TNRC6B: variants seen among roughly 807,000 people sequenced by gnomAD.
The protein encoded by TNRC6B is trinucleotide repeat-containing gene 6B protein.
In TNRC6B, 52 loss-of-function variants were observed where a neutral mutation model predicts 203.6. That is an observed-to-expected ratio of 0.26 (90% CI 0.20 to 0.32). TNRC6B has a LOEUF of 0.32. TNRC6B is among the 10% of genes least tolerant of loss of function. The pLI, the probability that TNRC6B is intolerant of heterozygous loss-of-function variation, is 1.00. For synonymous variants in TNRC6B, 838 were observed against 845.7 expected (o/e 0.99, Z 0.16); for missense variants, 1,923 against 2,286.2 (o/e 0.84, Z 3.24).
rs2071443883 is a variant in TNRC6B, at chr22:40,329,625, A to C, written c.*6384A>C. 6.6e-6 allele frequency: 1 copy of C among 152,112 alleles called. No homozygotes were observed. Among genetic ancestry groups the C allele is most frequent in the African/African-American group, 2.4e-5 (1 of 41,398 alleles). 9.4% of individuals were successfully genotyped at this position (152,112 alleles called of 1,614,324 possible). A position where few individuals can be genotyped will look rare whatever the true frequency, so the allele number is the denominator to read the frequency against. On this transcript the variant is annotated 3_prime_UTR_variant, in exon 23 of 23. Coordinates refer to ENST00000454349, the MANE Select transcript of TNRC6B (RefSeq NM_001162501.2). ...GAGGCCATGAACCTACGAGGTGGTAAAGGGGGACACAGGTCAGGGAGTGGA... is the reference window on the plus strand; with the variant it reads ...GAGGCCATGAACCTACGAGGTGGTACAGGGGGACACAGGTCAGGGAGTGGA...
chr22:40,181,682 C>T (rs959918771), intron 1 of TNRC6B, among the ~76,000 whole-genome samples: 2 of 152,182 alleles, frequency 1.3e-5, no homozygotes, highest in African/African-American at 2.4e-5. Flanking sequence ...TGGTGGCTCA[C>T]GCCTGTGATC....
At chr22:40,143,702 T>C (rs894081013) in intron 3 of TNRC6B, among the ~76,000 whole-genome samples, 3 of 152,150 alleles carry the variant, frequency 2.0e-5, no homozygotes, top group Non-Finnish European at 2.9e-5. Flanking sequence ...TTCACCGTGT[T>C]AGCCAGGATG....
rs768994589 is a variant in TNRC6B at position 40,323,247 on chromosome 22, G to T, written c.*6G>T. ...GAGGGTCGGATTCAATCTGAACTTA[G>T]AACTTTCAACTCTGACCTCGTGACC... On this transcript the variant is annotated 3_prime_UTR_variant, in exon 23 of 23. Transcript: ENST00000454349. 10 of 1,607,380 alleles carry T rather than the reference G, an allele frequency of 6.2e-6. No homozygotes were observed. In the Admixed American group the frequency reaches 1.7e-4, roughly 27 times the overall value.
At chr22:40,077,662 A>G (rs2068029023) in intron 1 of TNRC6B, among the ~76,000 whole-genome samples, 1 of 152,204 alleles carries the variant, frequency 6.6e-6, no homozygotes, top group Admixed American at 6.5e-5. Flanking sequence ...TACACAAGTA[A>G]TAAATATTTA....
At chr22:40,309,856 A>T (rs894031685) in intron 16 of TNRC6B, among the ~76,000 whole-genome samples, 1 of 152,186 alleles carries the variant, frequency 6.6e-6, no homozygotes, top group South Asian at 2.1e-4. Context: ...GTGGCTCCAG[A>T]AAAGTAAATG....
At chr22:40,163,021 A>G (rs554006270) in intron 4 of TNRC6B, among the ~76,000 whole-genome samples, 6 of 152,210 alleles carry the variant, frequency 3.9e-5, no homozygotes, top group Admixed American at 2.0e-4. Context: ...TTCTCTAACA[A>G]AGTCTTTTTT....
chr22:40,264,638 G>C (rs1433778921), intron 4 of TNRC6B, 50 bp from the exon 5 acceptor site: 1 of 1,523,818 alleles, frequency 6.6e-7, no homozygotes, highest in Non-Finnish European at 8.8e-7. Flanking sequence ...GGGATTAATG[G>C]GTAATGAATG....
intron 1 of TNRC6B, among the ~76,000 whole-genome samples, chr22:40,113,085 C>T (rs972205443): frequency 2.0e-5 from 3 of 151,912 alleles, no homozygotes; most frequent in Admixed American, 6.6e-5. Context: ...CCAGCCTGGG[C>T]GACAGAGCAA....
intron 1 of TNRC6B, among the ~76,000 whole-genome samples, chr22:40,046,635 C>G (rs1338364962): frequency 1.5e-5 from 2 of 134,944 alleles, no homozygotes; most frequent in Non-Finnish European, 3.2e-5. Flanking sequence ...TTTTTTGAGA[C>G]AGAGTCTCAA....
chr22:40,213,645 A>G (rs74893831), intron 1 of TNRC6B, among the ~76,000 whole-genome samples: 4,138 of 152,278 alleles, frequency 0.027, 179 homozygotes, highest in African/African-American at 0.094. Context: ...TCACAGTGAT[A>G]ATAATAGCAG....
intron 1 of TNRC6B, among the ~76,000 whole-genome samples, chr22:40,082,770 C>T (rs982602511): frequency 6.6e-6 from 1 of 152,170 alleles, no homozygotes; most frequent in Non-Finnish European, 1.5e-5. Context: ...CTCTGTGGGA[C>T]TTCCCGGTGG....
chr22:40,094,127 G>A (rs943255169), intron 1 of TNRC6B, among the ~76,000 whole-genome samples: 20 of 152,086 alleles, frequency 1.3e-4, no homozygotes, highest in African/African-American at 4.8e-4. Context: ...TTAAAAACAG[G>A]ATGACAGTAG....
In TNRC6B at chr22:40,327,821, T is replaced by A. The variant is rs993905228; in HGVS notation, c.*4580T>A. Reference sequence around the variant, plus strand: ...ATTACATAGATTTATTTTAAAAACATTTTGATTATGTTAATTTGAGCTTTC... The same window carrying A: ...ATTACATAGATTTATTTTAAAAACAATTTGATTATGTTAATTTGAGCTTTC... On this transcript the variant is annotated 3_prime_UTR_variant, in exon 23 of 23. Coordinates refer to ENST00000454349, the MANE Select transcript of TNRC6B (RefSeq NM_001162501.2). 6 of 152,166 alleles carry A rather than the reference T, an allele frequency of 3.9e-5. No homozygotes were observed. Among genetic ancestry groups the A allele is most frequent in the African/African-American group, 1.4e-4 (6 of 41,448 alleles). The allele number at this position is 152,166 out of a possible 1,614,324, so 9.4% of individuals were successfully genotyped here. A position where few individuals can be genotyped will look rare whatever the true frequency, so the allele number is the denominator to read the frequency against.
At chr22:40,113,210 A>C (rs990598807) in intron 1 of TNRC6B, among the ~76,000 whole-genome samples, 1 of 152,242 alleles carries the variant, frequency 6.6e-6, no homozygotes, top group Non-Finnish European at 1.5e-5. Flanking sequence ...ATGGACAGAC[A>C]GTATTTTTAC....
At chr22:40,066,806 A>T (rs1305956706) in intron 1 of TNRC6B, among the ~76,000 whole-genome samples, 1 of 151,716 alleles carries the variant, frequency 6.6e-6, no homozygotes, top group African/African-American at 2.4e-5. Context: ...TCTCCCTCCA[A>T]CTTGATTATA....
chr22:40,056,872 A>G (rs761373380), intron 1 of TNRC6B, among the ~76,000 whole-genome samples: 2 of 152,158 alleles, frequency 1.3e-5, no homozygotes, highest in Non-Finnish European at 2.9e-5. Flanking sequence ...CGGAGAAAGA[A>G]AAATGGAAGT....
chr22:40,244,252 C>T lies in TNRC6B; in HGVS notation c.6-1763C>T, dbSNP rs562767536. ...TGCTGCTGCAGGTGGATTTTCTCCG[C>T]GTGTTTCACACCTAGACAGAGGCAC... On this transcript the variant is annotated intron_variant, in intron 1 of 22. Coordinates refer to ENST00000454349, the MANE Select transcript of TNRC6B (RefSeq NM_001162501.2). 6.6e-5 allele frequency among the ~76,000 whole-genome samples: 10 copies of T among 152,304 alleles called. 2 individuals are homozygous for T. In the South Asian group the frequency reaches 2.1e-3, roughly 32 times the overall value.
Position 40,178,126 on chromosome 22 carries a change from G to A in TNRC6B, c.-10G>A, listed in dbSNP as rs1601861432. 1 of 1,612,892 alleles carries A rather than the reference G, an allele frequency of 6.2e-7. No individual in the cohort carries two copies. The highest frequency in any genetic ancestry group is 2.2e-5 in the East Asian group (1 of 44,794). On this transcript the variant is annotated 5_prime_UTR_variant, in exon 1 of 23. Coordinates refer to ENST00000454349, the MANE Select transcript of TNRC6B (RefSeq NM_001162501.2). ...CCTCAATTTGCTGGATTTAAGCACT[G>A]CTGCACTTTATGAGGTTGGTAAATA...
intron 4 of TNRC6B, among the ~76,000 whole-genome samples, chr22:40,162,685 AT>A (rs550851293): frequency 3.5e-4 from 54 of 152,332 alleles, no homozygotes; most frequent in Admixed American, 9.1e-4. Flanking sequence ...TAATATGTAC[AT>A]GTTGAAATAA....
Sources: gnomAD v4.1 joint callset for allele counts (sites outside exome capture counted in the v4.1 genomes callset) on GRCh38, gnomAD v4.1.1 for gene constraint, MANE v1.5 for transcripts, NCBI Gene and HGNC (gene_info 2026-07-23, HGNC 2026-07-21) for gene names.